CD44: variants seen among roughly 807,000 people sequenced by gnomAD.
CD44 encodes CD44 antigen.
Under a neutral mutation model 88.8 loss-of-function variants are expected in CD44, and 49 were observed. That is an observed-to-expected ratio of 0.55 (90% CI 0.44 to 0.70). The LOEUF is 0.70. Ranked by LOEUF, CD44 falls within the 30% of genes least tolerant of loss-of-function variation. CD44 has a pLI of 0.00. For missense variants in CD44, 883 were observed against 913.8 expected, an observed-to-expected ratio of 0.97 and a Z score of 0.43; for synonymous variants, 325 against 312.3, an observed-to-expected ratio of 1.04 and a Z score of -0.43.
chr11:35,185,959 A>C (rs1591129288), intron 3 of CD44, among the ~76,000 whole-genome samples: 4 of 152,318 alleles, frequency 2.6e-5, no homozygotes, highest in African/African-American at 9.6e-5. Context: ...GCTACCAGTA[A>C]CATCTGTGGA....
chr11:35,182,007 ATG>A (rs1243200198), intron 3 of CD44, among the ~76,000 whole-genome samples: 6 of 114,288 alleles, frequency 5.2e-5, no homozygotes, highest in African/African-American at 2.0e-4. Flanking sequence ...ATTTATATAT[ATG>A]TATATATGTA....
chr11:35,218,291 G>C (rs1011194415), intron 15 of CD44, among the ~76,000 whole-genome samples: 5 of 152,156 alleles, frequency 3.3e-5, no homozygotes, highest in Non-Finnish European at 7.4e-5. Flanking sequence ...CTCTAATAGG[G>C]TGATTTTTCA....
chr11:35,209,814 A>C (rs1948226552), intron 12 of CD44, 151 bp from the exon 13 acceptor site: 1 of 572,284 alleles, frequency 1.7e-6, no homozygotes, highest in African/African-American at 2.0e-5. Flanking sequence ...GTATATTTCT[A>C]TCAATCAGAG....
intron 1 of CD44, among the ~76,000 whole-genome samples, chr11:35,161,824 G>C (rs1942653304): frequency 1.3e-5 from 2 of 152,116 alleles, no homozygotes; most frequent in Non-Finnish European, 2.9e-5. Flanking sequence ...TATTTAATCT[G>C]TGTGCTGGGG....
rs143159420 is a variant in CD44 at position 35,228,103 on chromosome 11, C to T, written c.2025-1026C>T. ...TCCTTCCTCTAAGCATAGTCTGACT[C>T]GTATATGTGTAGTAGTGATATGTTA... On this transcript the variant is annotated intron_variant, in intron 17 of 17. Coordinates refer to ENST00000428726, the MANE Select transcript of CD44 (RefSeq NM_000610.4). Among the ~76,000 whole-genome samples the T allele has an allele frequency of 7.0e-3, 1,060 of 152,150 alleles. 2 individuals carry two copies. The highest frequency in any genetic ancestry group is 0.015 in the South Asian group (71 of 4,808).
chr11:35,155,573 T>C (rs990526761), intron 1 of CD44, among the ~76,000 whole-genome samples: 1 of 152,210 alleles, frequency 6.6e-6, no homozygotes, highest in African/African-American at 2.4e-5. Context: ...TCCTTTCCTG[T>C]CTTCTACAAA....
Position 35,206,245 on chromosome 11 carries a change from TA to T in CD44, c.1414+4del. 1 of 1,593,356 alleles carries T rather than the reference TA, an allele frequency of 6.3e-7. No homozygotes were observed. Among genetic ancestry groups the T allele is most frequent in the Non-Finnish European group, 8.5e-7 (1 of 1,173,182 alleles). ...GTCATCAAGCAGGAAGAAGGATGGG[TA>T]ATAGCCTCTGAGATTTTTATATATT... On this transcript the variant is annotated splice_donor_region_variant and intron_variant, in intron 11 of 17. Transcript: ENST00000428726.
intron 3 of CD44, among the ~76,000 whole-genome samples, chr11:35,180,901 G>A (rs1221422167): frequency 2.0e-5 from 3 of 152,178 alleles, no homozygotes; most frequent in East Asian, 1.9e-4. Context: ...AGCAAAATAC[G>A]AGGCTAATGA....
chr11:35,209,919 T>C (rs1157246096), intron 12 of CD44, 46 bp from the exon 13 acceptor site: 8 of 1,261,556 alleles, frequency 6.3e-6, no homozygotes, highest in Non-Finnish European at 9.0e-6. Flanking sequence ...ACAGGATTTG[T>C]ACCGTAGCTT....
chr11:35,219,250 G>A, intron 15 of CD44, 66 bp from the exon 16 acceptor site: 1 of 1,206,160 alleles, frequency 8.3e-7, no homozygotes, highest in Non-Finnish European at 1.2e-6. Flanking sequence ...CCTTTATGCA[G>A]CTCCACAAGG....
At chr11:35,172,598 A>G (rs138055223) in intron 1 of CD44, among the ~76,000 whole-genome samples, 8 of 152,274 alleles carry the variant, frequency 5.3e-5, no homozygotes, top group African/African-American at 1.4e-4. Context: ...CCCTTCTTCA[A>G]ACAAGTTATC....
chr11:35,212,323 A>G (rs1948464452), intron 14 of CD44, among the ~76,000 whole-genome samples: 1 of 152,190 alleles, frequency 6.6e-6, no homozygotes, highest in African/African-American at 2.4e-5. Flanking sequence ...GACTTTAGAT[A>G]CATAATTTTG....
At chr11:35,192,694 C>T (rs749682578) in intron 5 of CD44, among the ~76,000 whole-genome samples, 1 of 151,978 alleles carries the variant, frequency 6.6e-6, no homozygotes, top group Non-Finnish European at 1.5e-5. Flanking sequence ...TGACCTGGAA[C>T]TCTCTGGGAT....
At chr11:35,201,243 C>A in intron 8 of CD44, 48 bp downstream of exon 8, 2 of 1,287,068 alleles carry the variant, frequency 1.6e-6, no homozygotes, top group Non-Finnish European at 1.1e-6. Context: ...CCCTCAAAGC[C>A]CATGATGCTG....
chr11:35,207,778 A>G (rs940245752), intron 11 of CD44, among the ~76,000 whole-genome samples: 5 of 152,200 alleles, frequency 3.3e-5, no homozygotes, highest in Admixed American at 2.0e-4. Flanking sequence ...GTCAGATTGC[A>G]TGTTTCTATA....
intron 1 of CD44, among the ~76,000 whole-genome samples, chr11:35,151,218 G>A (rs1860260769): frequency 1.3e-5 from 2 of 152,116 alleles, no homozygotes; most frequent in Admixed American, 1.3e-4. Context: ...GGAGGGGTCT[G>A]TCTGCTTGGA....
chr11:35,181,474 T>C (rs1944980189), intron 3 of CD44, among the ~76,000 whole-genome samples: 1 of 151,634 alleles, frequency 6.6e-6, no homozygotes, highest in South Asian at 2.1e-4. Context: ...ATCAAAAGTC[T>C]TACCTCTTAA....
intron 3 of CD44, among the ~76,000 whole-genome samples, chr11:35,182,952 G>A (rs1367791192): frequency 6.6e-6 from 1 of 152,200 alleles, no homozygotes; most frequent in Non-Finnish European, 1.5e-5. Flanking sequence ...CATCTAGGCA[G>A]GCTGCGACTG....
At chr11:35,181,370 G>A (rs913273746) in intron 3 of CD44, among the ~76,000 whole-genome samples, 4 of 152,128 alleles carry the variant, frequency 2.6e-5, no homozygotes, top group African/African-American at 9.6e-5. Flanking sequence ...CCTTATTCAA[G>A]TCCTAGCAAA....
Sources: gnomAD v4.1 joint callset for allele counts (sites outside exome capture counted in the v4.1 genomes callset) on GRCh38, gnomAD v4.1.1 for gene constraint, MANE v1.5 for transcripts, NCBI Gene and HGNC (gene_info 2026-07-23, HGNC 2026-07-21) for gene names.